EPHA6: variants seen among roughly 807,000 people sequenced by gnomAD.
EPHA6 encodes EPH receptor A6, also known as ephrin type-A receptor 6.
Under a neutral mutation model 112.0 loss-of-function variants are expected in EPHA6, and 50 were observed. That is an observed-to-expected ratio of 0.45 (90% CI 0.36 to 0.56). The LOEUF is 0.56. Among genes scored for constraint, EPHA6 ranks in the 20% least tolerant of loss-of-function variants. The pLI is 0.00. For synonymous variants in EPHA6, 529 were observed against 490.7 expected, an observed-to-expected ratio of 1.08 and a Z score of -1.03; for missense variants, 1,280 against 1,417.4, an observed-to-expected ratio of 0.90 and a Z score of 1.56.
rs193179447 is a variant in EPHA6, at chr3:97,289,901, G to T, written c.1606+45614G>T. Among the ~76,000 whole-genome samples the T allele has an allele frequency of 2.1e-3, 317 of 152,110 alleles. 8 individuals carry two copies. The South Asian group carries it at 0.059, about 28-fold the overall frequency. ...TATTGATCTTGTTTATCCTTTCAAA[G>T]AACCAACTTTTATTTTTGTTGCTTC... is the stretch of plus-strand genomic sequence containing the variant. On this transcript the variant is annotated intron_variant, in intron 5 of 17. Transcript: ENST00000389672.
intron 3 of EPHA6, among the ~76,000 whole-genome samples, chr3:97,011,482 A>G (rs1367268586): frequency 6.6e-6 from 1 of 152,128 alleles, no homozygotes; most frequent in East Asian, 1.9e-4. Context: ...CAAACAAGGG[A>G]GGGATTATCT....
At chr3:97,682,866 C>T (rs191446234) in intron 14 of EPHA6, among the ~76,000 whole-genome samples, 89 of 152,174 alleles carry the variant, frequency 5.8e-4, no homozygotes, top group Non-Finnish European at 1.1e-3. Context: ...TTCATTCTCC[C>T]GTATTAGACT....
intron 3 of EPHA6, among the ~76,000 whole-genome samples, chr3:97,200,800 A>G (rs894698235): frequency 6.6e-6 from 1 of 152,160 alleles, no homozygotes; most frequent in Admixed American, 6.5e-5. Flanking sequence ...CTGCAATCCA[A>G]TAGTGAAAAT....
intron 7 of EPHA6, among the ~76,000 whole-genome samples, chr3:97,462,749 A>T (rs1054373417): frequency 6.6e-6 from 1 of 152,166 alleles, no homozygotes; most frequent in Non-Finnish European, 1.5e-5. Flanking sequence ...TTTGAACTTG[A>T]ATAAAATCAC....
At chr3:96,961,249 T>C (rs1348651526) in intron 2 of EPHA6, among the ~76,000 whole-genome samples, 1 of 152,258 alleles carries the variant, frequency 6.6e-6, no homozygotes, top group Non-Finnish European at 1.5e-5. Context: ...TAGGGAAATC[T>C]GGGGCTCAAG....
rs140404299 is a variant in EPHA6 at position 97,174,356 on chromosome 3, A to G, written c.1115-51908A>G. Among the ~76,000 whole-genome samples the G allele has an allele frequency of 4.0e-3, 612 of 152,080 alleles. 4 individuals are homozygous for G. The highest frequency in any genetic ancestry group is 0.014 in the African/African-American group (577 of 41,548). On this transcript the variant is annotated intron_variant, in intron 3 of 17. Coordinates refer to ENST00000389672, the MANE Select transcript of EPHA6 (RefSeq NM_001080448.3). ...ACTATGGTGAGCAGTGCTGCAACAA[A>G]CATAGGAGTGCAGGTATCTCTTTAA...
chr3:97,199,046 C>T (rs1029314404), intron 3 of EPHA6, among the ~76,000 whole-genome samples: 2 of 152,098 alleles, frequency 1.3e-5, no homozygotes, highest in African/African-American at 4.8e-5. Context: ...CCAAATAGAA[C>T]ACCAAGTACC....
chr3:97,452,614 A>G (rs577621366), intron 7 of EPHA6, among the ~76,000 whole-genome samples: 4 of 151,876 alleles, frequency 2.6e-5, no homozygotes, highest in South Asian at 2.1e-4. Context: ...CAATAAAATT[A>G]CAGAATCAGT....
chr3:96,928,368 T>A (rs1022289816), intron 2 of EPHA6, among the ~76,000 whole-genome samples: 1 of 152,218 alleles, frequency 6.6e-6, no homozygotes, highest in Non-Finnish European at 1.5e-5. Context: ...TTTGCGTTAA[T>A]TTCATTATTT....
intron 2 of EPHA6, among the ~76,000 whole-genome samples, chr3:96,964,847 A>G (rs1396755183): frequency 2.6e-5 from 4 of 152,344 alleles, no homozygotes; most frequent in South Asian, 2.1e-4. Context: ...TGGCTGCAAA[A>G]GTCTACTGTC....
At chr3:97,503,987 G>A (rs1005117729) in intron 10 of EPHA6, among the ~76,000 whole-genome samples, 5 of 152,080 alleles carry the variant, frequency 3.3e-5, no homozygotes, top group Admixed American at 6.6e-5. Context: ...AGCATTTAGG[G>A]TTATTCTTTC....
intron 15 of EPHA6, among the ~76,000 whole-genome samples, chr3:97,729,583 G>C (rs1042373983): frequency 6.6e-6 from 1 of 152,104 alleles, no homozygotes; most frequent in Non-Finnish European, 1.5e-5. Context: ...ACGACATGTG[G>C]GGATTGTCGG....
At chr3:97,434,482 G>T (rs1379193418) in intron 6 of EPHA6, among the ~76,000 whole-genome samples, 1 of 152,016 alleles carries the variant, frequency 6.6e-6, no homozygotes, top group Non-Finnish European at 1.5e-5. Context: ...TCCTTCCAAA[G>T]AACCAGATAA....
chr3:97,419,125 A>G (rs1480840644), intron 6 of EPHA6, among the ~76,000 whole-genome samples: 1 of 151,788 alleles, frequency 6.6e-6, no homozygotes, highest in African/African-American at 2.4e-5. Flanking sequence ...ACCAGTATGG[A>G]GAAACCCCGT....
At chr3:97,338,933 CT>C (rs2108851041) in intron 5 of EPHA6, among the ~76,000 whole-genome samples, 1 of 152,318 alleles carries the variant, frequency 6.6e-6, no homozygotes, top group Non-Finnish European at 1.5e-5. Context: ...ATTTCTCAAT[CT>C]CTGCCTCTAT....
intron 14 of EPHA6, among the ~76,000 whole-genome samples, chr3:97,696,401 C>G (rs2033042035): frequency 6.6e-6 from 1 of 152,204 alleles, no homozygotes; most frequent in South Asian, 2.1e-4. Context: ...TCCTTTCACT[C>G]ATTATGCAAG....
At chr3:97,493,553 T>C (rs1210789216) in intron 10 of EPHA6, among the ~76,000 whole-genome samples, 1 of 152,042 alleles carries the variant, frequency 6.6e-6, no homozygotes, top group African/African-American at 2.4e-5. Flanking sequence ...CAAAAGACCA[T>C]ATGTCCAGAT....
chr3:97,481,004 G>A (rs1205684157), intron 9 of EPHA6, among the ~76,000 whole-genome samples: 7 of 152,050 alleles, frequency 4.6e-5, no homozygotes, highest in African/African-American at 1.7e-4. Context: ...GGGTGGCTGG[G>A]CAGAGGGGCT....
chr3:97,593,743 A>G (rs2107353528), intron 12 of EPHA6, among the ~76,000 whole-genome samples: 1 of 152,288 alleles, frequency 6.6e-6, no homozygotes, highest in Non-Finnish European at 1.5e-5. Flanking sequence ...TTGCTTTTCA[A>G]TTACTCTTTT....
Sources: allele counts gnomAD v4.1 joint callset (sites outside exome capture counted in the v4.1 genomes callset), GRCh38; gene constraint gnomAD v4.1.1; transcripts MANE v1.5; gene names NCBI Gene and HGNC (gene_info 2026-07-23, HGNC 2026-07-21).